FGF14: variants seen among roughly 807,000 people sequenced by gnomAD.
The protein encoded by FGF14 is fibroblast growth factor homologous factor 4.
Under a neutral mutation model 25.5 loss-of-function variants are expected in FGF14, and 5 were observed. The ratio of observed to expected loss-of-function variants is 0.20; its 90% CI spans 0.10 to 0.41. The LOEUF (loss-of-function observed/expected upper bound fraction) is 0.41, where lower values mean the gene tolerates loss of function less well. Among genes scored for constraint, FGF14 ranks in the 10% least tolerant of loss-of-function variants. FGF14 has a pLI of 1.00. For synonymous variants in FGF14, 138 were observed against 118.3 expected (o/e 1.17, Z -1.08); for missense variants, 222 against 320.1 (o/e 0.69, Z 2.34).
rs545328524 is a variant in FGF14 at position 101,977,313 on chromosome 13, T to C, written c.209-102017A>G. On this transcript the variant is annotated intron_variant, in intron 1 of 4. Coordinates refer to the FGF14 transcript ENST00000376131. ...TGAATACACCATATTTTTTGAAACA[T>C]AGCCATTTCTGAGTTGCAGTGAAAA... is the stretch of plus-strand genomic sequence containing the variant. 2.0e-5 allele frequency among the ~76,000 whole-genome samples: 3 copies of C among 152,296 alleles called. No homozygotes were observed. The South Asian group carries it at 6.2e-4, about 32-fold the overall frequency.
intron 3 of FGF14, among the ~76,000 whole-genome samples, chr13:101,827,136 T>C (rs1204116718): frequency 1.3e-5 from 2 of 152,026 alleles, no homozygotes; most frequent in African/African-American, 4.8e-5. Flanking sequence ...ACATAGAAAT[T>C]TCATTTTTAA....
intron 1 of FGF14, among the ~76,000 whole-genome samples, chr13:101,957,750 CCTA>C (rs1164918992): frequency 1.3e-5 from 2 of 152,110 alleles, no homozygotes; most frequent in African/African-American, 4.8e-5. Context: ...TTTACACAGG[CCTA>C]CTATTTGCAA....
intron 3 of FGF14, among the ~76,000 whole-genome samples, chr13:101,745,068 G>A (rs906941799): frequency 2.0e-5 from 3 of 152,040 alleles, no homozygotes; most frequent in Non-Finnish European, 4.4e-5. Context: ...TTATTTGGGA[G>A]AAAATTAATA....
chr13:101,727,220 T>C (rs2035496879), intron 3 of FGF14, among the ~76,000 whole-genome samples: 1 of 152,138 alleles, frequency 6.6e-6, no homozygotes, highest in African/African-American at 2.4e-5. Flanking sequence ...AGTGATATAA[T>C]ACTCTACAGT....
intron 1 of FGF14, among the ~76,000 whole-genome samples, chr13:102,078,727 A>G (rs988714094): frequency 1.3e-5 from 2 of 152,212 alleles, no homozygotes; most frequent in African/African-American, 2.4e-5. Context: ...AAGCTGGAGG[A>G]ATGGTGAGCC....
chr13:102,272,369 CT>C (rs998777206), intron 1 of FGF14, among the ~76,000 whole-genome samples: 5 of 152,206 alleles, frequency 3.3e-5, no homozygotes, highest in African/African-American at 1.2e-4. Flanking sequence ...GTTTATTTGA[CT>C]TTTTTGCTTA....
At chr13:101,864,471 G>T (rs181078168) in intron 3 of FGF14, among the ~76,000 whole-genome samples, 3 of 152,096 alleles carry the variant, frequency 2.0e-5, no homozygotes, top group Admixed American at 2.0e-4. Context: ...AGTGAGGGAG[G>T]GTGACCCTTA....
rs1181374476 is a variant in FGF14, at chr13:102,310,655, C to CTT, written c.208+90815_208+90816insAA. 2.1e-4 allele frequency among the ~76,000 whole-genome samples: 8 copies of CTT among 37,626 alleles called. No homozygotes were observed. The Admixed American group carries it at 2.5e-3, about 12-fold the overall frequency. 24.7% of individuals were successfully genotyped at this position (37,626 alleles called of 152,430 possible). A position where few individuals can be genotyped will look rare whatever the true frequency, so the allele number is the denominator to read the frequency against. ...TTTCTGTCTCTCTCTTCCCGTTTCT[C>CTT]TCTCTCTCTCTCTCTCTCTCTCTCT... On this transcript the variant is annotated intron_variant, in intron 1 of 4. Transcript: ENST00000376131.
chr13:102,210,811 T>G (rs1306203132), intron 1 of FGF14, among the ~76,000 whole-genome samples: 1 of 150,876 alleles, frequency 6.6e-6, no homozygotes, highest in Non-Finnish European at 1.5e-5. Context: ...AATGAGGGGG[T>G]TTCAAGGTAG....
chr13:101,833,417 A>G (rs1194978931), intron 3 of FGF14, among the ~76,000 whole-genome samples: 1 of 152,082 alleles, frequency 6.6e-6, no homozygotes, highest in Non-Finnish European at 1.5e-5. Context: ...AATAGTTGTT[A>G]TGGGCATAAA....
In FGF14 at chr13:101,722,636, C is replaced by G; in HGVS notation, c.*195G>C. On this transcript the variant is annotated 3_prime_UTR_variant, in exon 5 of 5. Transcript: ENST00000376143. The stretch of plus-strand genomic sequence containing the variant: ...CCATGGTCTGAGTTTAGCTGGTTAT[C>G]CAGGTGTCTTCTTGTTGTGGGGGGT... The G allele has an allele frequency of 1.5e-6, 1 of 672,050 alleles. No homozygotes were observed. The highest frequency in any genetic ancestry group is 2.6e-6 in the Non-Finnish European group (1 of 389,178). 41.6% of individuals were successfully genotyped at this position (672,050 alleles called of 1,614,324 possible).
At chr13:102,143,562 G>A (rs74822090) in intron 1 of FGF14, among the ~76,000 whole-genome samples, 16 of 152,078 alleles carry the variant, frequency 1.1e-4, no homozygotes, top group East Asian at 7.7e-4. Flanking sequence ...CTTGTTTTTC[G>A]TCTTGTGCAT....
rs1393419181 is a variant in FGF14 at position 101,712,603 on chromosome 13, A to G, written c.*10228T>C. ...AGCACTACTTTAGAAACAACTAAAG[A>G]CAGCCAAATACTTCAAATAACTAAT... On this transcript the variant is annotated 3_prime_UTR_variant, in exon 5 of 5. Transcript: ENST00000376143. The G allele has an allele frequency of 6.6e-6, 1 of 152,258 alleles. No individual in the cohort carries two copies. Among genetic ancestry groups the G allele is most frequent in the East Asian group, 1.9e-4 (1 of 5,206 alleles). 9.4% of individuals were successfully genotyped at this position (152,258 alleles called of 1,614,324 possible). A position where few individuals can be genotyped will look rare whatever the true frequency, so the allele number is the denominator to read the frequency against.
In FGF14 at chr13:102,072,627, A is replaced by ACC. The variant is rs879446959; in HGVS notation, c.209-197332_209-197331insGG. 8.2e-3 allele frequency among the ~76,000 whole-genome samples: 1,242 copies of ACC among 152,342 alleles called. 6 individuals carry two copies. The highest frequency in any genetic ancestry group is 0.014 in the Middle Eastern group (4 of 294). On this transcript the variant is annotated intron_variant, in intron 1 of 4. Transcript: ENST00000376131. ...ACTGAATTTTAAGGAAAACTTTTACAACTCATTAATCTTCCCACAGCCAAG... is the reference window on the plus strand; with the variant it reads ...ACTGAATTTTAAGGAAAACTTTTACACCACTCATTAATCTTCCCACAGCCAAG...
intron 3 of FGF14, among the ~76,000 whole-genome samples, chr13:101,774,948 A>C (rs2039005993): frequency 6.6e-6 from 1 of 150,568 alleles, no homozygotes; most frequent in Admixed American, 6.6e-5. Context: ...CAGCCTGGGC[A>C]ACACGAATGA....
chr13:101,919,969 T>C (rs2033879002), upstream of FGF14, among the ~76,000 whole-genome samples: 1 of 152,170 alleles, frequency 6.6e-6, no homozygotes, highest in African/African-American at 2.4e-5. Flanking sequence ...CTCTTCAACG[T>C]AGCTTCCTAT....
At chr13:102,321,882 T>G (rs961290848) in intron 1 of FGF14, among the ~76,000 whole-genome samples, 9 of 152,180 alleles carry the variant, frequency 5.9e-5, no homozygotes, top group Non-Finnish European at 1.2e-4. Flanking sequence ...TTAACTGTCT[T>G]CAAACCCAAA....
At chr13:102,037,852 C>T (rs189546723) in intron 1 of FGF14, among the ~76,000 whole-genome samples, 1 of 152,236 alleles carries the variant, frequency 6.6e-6, no homozygotes, top group Admixed American at 6.5e-5. Context: ...AGCAAGTCAA[C>T]TCACTTCAGT....
intron 1 of FGF14, among the ~76,000 whole-genome samples, chr13:101,994,902 G>T (rs1409081752): frequency 1.3e-5 from 2 of 151,740 alleles, no homozygotes; most frequent in Non-Finnish European, 2.9e-5. Context: ...ATGTAATTAG[G>T]CGTTACATAT....
Sources: allele counts gnomAD v4.1 joint callset (sites outside exome capture counted in the v4.1 genomes callset), GRCh38; gene constraint gnomAD v4.1.1; transcripts MANE v1.5; gene names NCBI Gene and HGNC (gene_info 2026-07-23, HGNC 2026-07-21).